EEPD1: variants seen among roughly 807,000 people sequenced by gnomAD.
The protein encoded by EEPD1 is endonuclease/exonuclease/phosphatase family domain-containing protein 1.
In EEPD1, 17 loss-of-function variants were observed where a neutral mutation model predicts 46.3. The ratio of observed to expected loss-of-function variants is 0.37; its 90% CI spans 0.25 to 0.55. EEPD1 has a LOEUF of 0.55. Among genes scored for constraint, EEPD1 ranks in the 20% least tolerant of loss-of-function variants. The pLI is 0.83. For synonymous variants in EEPD1, 313 were observed against 315.6 expected (o/e 0.99, Z 0.09); for missense variants, 673 against 745.6 (o/e 0.90, Z 1.13).
At chr7:36,201,108 G>A (rs6977520) in intron 2 of EEPD1, among the ~76,000 whole-genome samples, 2,509 of 152,114 alleles carry the variant, frequency 0.016, 68 homozygotes, top group African/African-American at 0.058. Flanking sequence ...CAACCAACAC[G>A]CCAAATCTGA....
intron 5 of EEPD1, among the ~76,000 whole-genome samples, chr7:36,286,422 C>T (rs1257171035): frequency 6.6e-6 from 1 of 152,256 alleles, no homozygotes; most frequent in African/African-American, 2.4e-5. Flanking sequence ...GCACCCTCCA[C>T]TTCCTGGGGG....
At chr7:36,291,959 C>T (rs1308768763) in intron 6 of EEPD1, among the ~76,000 whole-genome samples, 1 of 152,222 alleles carries the variant, frequency 6.6e-6, no homozygotes, top group East Asian at 1.9e-4. Flanking sequence ...TATCCCACTT[C>T]CTCTAGGGTA....
Position 36,187,083 on chromosome 7 carries a change from G to C in EEPD1, c.878+31881G>C, listed in dbSNP as rs534124990. Among the ~76,000 whole-genome samples the C allele has an allele frequency of 1.0e-3, 155 of 152,304 alleles. 1 individual carries two copies. The highest frequency in any genetic ancestry group is 3.4e-3 in the Middle Eastern group (1 of 294). On this transcript the variant is annotated intron_variant, in intron 2 of 7. Coordinates refer to ENST00000242108, the MANE Select transcript of EEPD1 (RefSeq NM_030636.3). ...CATTGGCCGTGGCTCTGTTCCAGAA[G>C]TGATTTTGCCTGGCTGTCTCTGAGC... is the stretch of plus-strand genomic sequence containing the variant.
At chr7:36,213,612 C>T (rs1785975628) in intron 2 of EEPD1, among the ~76,000 whole-genome samples, 2 of 152,108 alleles carry the variant, frequency 1.3e-5, no homozygotes, top group African/African-American at 4.8e-5. Context: ...AGTTCACCAA[C>T]ATTGAAGGCC....
intron 2 of EEPD1, among the ~76,000 whole-genome samples, chr7:36,210,895 A>G (rs982308271): frequency 6.6e-6 from 1 of 152,036 alleles, no homozygotes; most frequent in Non-Finnish European, 1.5e-5. Context: ...CACTTTATTT[A>G]TAGTGTGGTG....
chr7:36,226,901 C>T (rs1381057231), intron 2 of EEPD1, among the ~76,000 whole-genome samples: 1 of 151,780 alleles, frequency 6.6e-6, no homozygotes, highest in Non-Finnish European at 1.5e-5. Context: ...CCAAAGAAAA[C>T]AGTGGAAAAT....
chr7:36,240,584 A>G (rs1045966442), intron 3 of EEPD1, among the ~76,000 whole-genome samples: 1 of 152,244 alleles, frequency 6.6e-6, no homozygotes, highest in African/African-American at 2.4e-5. Context: ...CCATGAAAAC[A>G]TAGTGGGTCA....
chr7:36,176,239 C>G (rs1485664681), intron 2 of EEPD1, among the ~76,000 whole-genome samples: 1 of 152,226 alleles, frequency 6.6e-6, no homozygotes, highest in East Asian at 1.9e-4. Flanking sequence ...AGGATAAAGC[C>G]AGGCCTGCTG....
intron 2 of EEPD1, among the ~76,000 whole-genome samples, chr7:36,221,110 A>C (rs1215778945): frequency 6.6e-6 from 1 of 152,224 alleles, no homozygotes; most frequent in Non-Finnish European, 1.5e-5. Context: ...CGTCCAGCCA[A>C]CTACACTGAA....
At chr7:36,262,546 G>A (rs886641631) in intron 3 of EEPD1, among the ~76,000 whole-genome samples, 4 of 152,160 alleles carry the variant, frequency 2.6e-5, no homozygotes, top group Non-Finnish European at 5.9e-5. Flanking sequence ...TCATATGTTG[G>A]CATGCATTCA....
At chr7:36,236,213 G>A (rs569516530) in intron 2 of EEPD1, among the ~76,000 whole-genome samples, 1 of 152,230 alleles carries the variant, frequency 6.6e-6, no homozygotes, top group African/African-American at 2.4e-5. Context: ...CCCTTCAGCC[G>A]GCGGCTGCGC....
At chr7:36,284,583 G>T in intron 4 of EEPD1, 103 bp from the exon 5 acceptor site, 1 of 1,427,526 alleles carries the variant, frequency 7.0e-7, no homozygotes, top group Non-Finnish European at 9.4e-7. Flanking sequence ...GCTTGAGCCA[G>T]AGTAGGGCCT....
At chr7:36,191,030 A>G (rs945388965) in intron 2 of EEPD1, among the ~76,000 whole-genome samples, 6 of 152,218 alleles carry the variant, frequency 3.9e-5, no homozygotes, top group Non-Finnish European at 5.9e-5. Flanking sequence ...AATGATTTCT[A>G]TGTCCACTCT....
chr7:36,226,723 T>C (rs1246238160), intron 2 of EEPD1, among the ~76,000 whole-genome samples: 1 of 152,130 alleles, frequency 6.6e-6, no homozygotes, highest in African/African-American at 2.4e-5. Flanking sequence ...ACAATTCAAA[T>C]AACCATTGAA....
intron 2 of EEPD1, among the ~76,000 whole-genome samples, chr7:36,217,281 A>T (rs116681319): frequency 0.01 from 1,563 of 152,238 alleles, 24 homozygotes; most frequent in African/African-American, 0.036. Flanking sequence ...AACTGAGGGT[A>T]CCTCCCCTTT....
At chr7:36,288,763 TAA>T (rs200857063) in intron 6 of EEPD1, among the ~76,000 whole-genome samples, 71 of 135,406 alleles carry the variant, frequency 5.2e-4, no homozygotes, top group Non-Finnish European at 5.6e-4. Context: ...CCCCATCTCT[TAA>T]AAAAAAAAAA....
intron 2 of EEPD1, among the ~76,000 whole-genome samples, chr7:36,216,269 G>T (rs1187963289): frequency 6.6e-6 from 1 of 152,176 alleles, no homozygotes; most frequent in Non-Finnish European, 1.5e-5. Flanking sequence ...CTTTCCATGT[G>T]ACTCACAGTG....
intron 2 of EEPD1, among the ~76,000 whole-genome samples, chr7:36,236,892 G>A (rs1338553655): frequency 1.3e-5 from 2 of 152,218 alleles, no homozygotes; most frequent in East Asian, 1.9e-4. Flanking sequence ...GGCCAGATAA[G>A]GGAATAAAAG....
chr7:36,153,407 CGGCGGCGGGTTT>C lies in EEPD1; in HGVS notation c.-459_-448del, dbSNP rs1210231472. On this transcript the variant is annotated 5_prime_UTR_variant, in exon 1 of 8. Coordinates refer to ENST00000242108, the MANE Select transcript of EEPD1 (RefSeq NM_030636.3). Reference sequence around the variant, plus strand: ...GCCGCCGCAAGCCCCGGTGCAGCCTCGGCGGCGGGTTTCGCCGCCGCTGCCGCCGCCTCCGAG... The same window carrying C: ...GCCGCCGCAAGCCCCGGTGCAGCCTCCGCCGCCGCTGCCGCCGCCTCCGAG... 1 of 152,184 alleles carries C rather than the reference CGGCGGCGGGTTT, an allele frequency of 6.6e-6. No homozygotes were observed. The highest frequency in any genetic ancestry group is 1.5e-5 in the Non-Finnish European group (1 of 68,052). The allele number at this position is 152,184 out of a possible 1,614,324, so 9.4% of individuals were successfully genotyped here.
Sources: gnomAD v4.1 joint callset for allele counts (sites outside exome capture counted in the v4.1 genomes callset) on GRCh38, gnomAD v4.1.1 for gene constraint, MANE v1.5 for transcripts, NCBI Gene and HGNC (gene_info 2026-07-23, HGNC 2026-07-21) for gene names.